The following UQCRC2 variants were observed in gnomAD, a reference collection of about 807,000 sequenced individuals.
UQCRC2 encodes the protein ubiquinol-cytochrome c reductase core protein 2, also known as cytochrome b-c1 complex subunit 2, mitochondrial.
UQCRC2 carries 49 observed loss-of-function variants against 55.6 expected under a neutral mutation model. The ratio of observed to expected loss-of-function variants is 0.88; its 90% confidence interval spans 0.70 to 1.12. UQCRC2 has a LOEUF of 1.12. Among genes scored for constraint, UQCRC2 ranks in the 50% most tolerant of loss-of-function variants. The pLI is 0.00. For missense variants in UQCRC2, 506 were observed against 547.8 expected (o/e 0.92, Z 0.76); for synonymous variants, 193 against 192.0 (o/e 1.01, Z -0.04).
chr16:21,971,816 G>A (rs943705039), intron 9 of UQCRC2, 107 bp from the exon 10 acceptor site: 42 of 1,508,562 alleles, frequency 2.8e-5, no homozygotes, highest in East Asian at 2.7e-4. Context: ...GCACCGAGCT[G>A]CAGAAAAGAC....
At chr16:21,968,525 AG>A in intron 7 of UQCRC2, 102 bp from the exon 8 acceptor site, 1 of 977,436 alleles carries the variant, frequency 1.0e-6, no homozygotes, top group Non-Finnish European at 1.5e-6. Flanking sequence ...GCAACTTATA[AG>A]GCCTTATAAG....
intron 12 of UQCRC2, among the ~76,000 whole-genome samples, chr16:21,978,621 C>G (rs1024531116): frequency 6.6e-6 from 1 of 152,144 alleles, no homozygotes; most frequent in African/African-American, 2.4e-5. Context: ...TTACCTAGAT[C>G]TAAGTTCTAG....
At chr16:21,963,827 C>T (rs1898260375) in intron 6 of UQCRC2, among the ~76,000 whole-genome samples, 1 of 152,130 alleles carries the variant, frequency 6.6e-6, no homozygotes, top group African/African-American at 2.4e-5. Flanking sequence ...TTTATTGCTG[C>T]TGCTATTATT....
chr16:21,961,347 C>G (rs1481367041), intron 4 of UQCRC2: 1 of 446,904 alleles, frequency 2.2e-6, no homozygotes, highest in Non-Finnish European at 4.5e-6. Flanking sequence ...TAAAGTATGA[C>G]AGAGTCATGA....
intron 1 of UQCRC2, among the ~76,000 whole-genome samples, chr16:21,956,045 G>A (rs554643215): frequency 7.9e-5 from 12 of 152,212 alleles, no homozygotes; most frequent in East Asian, 5.8e-4. Flanking sequence ...GGCTAGTCTC[G>A]AGCTCCTGAC....
At chr16:21,958,432 A>G in intron 3 of UQCRC2, 103 bp from the exon 4 acceptor site, 1 of 1,025,398 alleles carries the variant, frequency 9.8e-7, no homozygotes, top group Non-Finnish European at 1.5e-6. Flanking sequence ...GGAATTTAGT[A>G]AAATTCTTTT....
intron 1 of UQCRC2, among the ~76,000 whole-genome samples, chr16:21,956,720 G>A (rs1033193821): frequency 6.6e-6 from 1 of 152,120 alleles, no homozygotes; most frequent in African/African-American, 2.4e-5. Flanking sequence ...AATAAATAGA[G>A]GTTTAAGAAT....
chr16:21,966,705 C>A (rs542021331), intron 7 of UQCRC2, among the ~76,000 whole-genome samples: 1 of 152,270 alleles, frequency 6.6e-6, no homozygotes, highest in South Asian at 2.1e-4. Flanking sequence ...GAACAGGCAG[C>A]CGTTTTCATA....
rs955698437 is a variant in UQCRC2, at chr16:21,977,311, G to A, written c.1124+1068G>A. ...TGAGGCTGCAGTGAACTAAGATCAC[G>A]CCATTGCACACTAGCCTGGGCAACA... is the stretch of plus-strand genomic sequence containing the variant. On this transcript the variant is annotated intron_variant, in intron 12 of 13. Coordinates refer to ENST00000268379, the MANE Select transcript of UQCRC2 (RefSeq NM_003366.4). Among the ~76,000 whole-genome samples, 22 of 151,908 alleles carry A rather than the reference G, an allele frequency of 1.4e-4. 1 individual carries two copies. The East Asian group carries it at 3.3e-3, about 23-fold the overall frequency.
At position 21,968,693 on chromosome 16, in the gene UQCRC2, T is replaced by G; in HGVS notation, c.670+8T>G. 1 of 1,604,702 alleles carries G rather than the reference T, an allele frequency of 6.2e-7. No individual in the cohort carries two copies. The highest frequency in any genetic ancestry group is 8.5e-7 in the Non-Finnish European group (1 of 1,175,136). On this transcript the variant is annotated splice_region_variant and intron_variant, in intron 8 of 13. Transcript: ENST00000268379. Reference sequence around the variant, plus strand: ...TGGCTTTGATTGGACTTGGTAAGTTTAGAGTATTGCCTGCCTGTCAGTTTG... The same window carrying G: ...TGGCTTTGATTGGACTTGGTAAGTTGAGAGTATTGCCTGCCTGTCAGTTTG...
rs1442213480 is a variant in UQCRC2, at chr16:21,968,476, G to A, written c.613-152G>A. On this transcript the variant is annotated intron_variant, in intron 7 of 13. Coordinates refer to ENST00000268379, the MANE Select transcript of UQCRC2 (RefSeq NM_003366.4). ...CAATAGTTTTTATAATAAAATCCCA[G>A]GGTAATTCACCTCAGTTAGTACCTT... 9 of 514,454 alleles carry A rather than the reference G, an allele frequency of 1.7e-5. No individual in the cohort carries two copies. The East Asian group carries it at 2.7e-4, about 15-fold the overall frequency. 31.9% of individuals were successfully genotyped at this position (514,454 alleles called of 1,614,324 possible).
chr16:21,960,673 C>T (rs531262573), intron 4 of UQCRC2, among the ~76,000 whole-genome samples: 1 of 152,242 alleles, frequency 6.6e-6, no homozygotes, highest in African/African-American at 2.4e-5. Flanking sequence ...TGAGACTCTT[C>T]CTTTCACTTG....
At chr16:21,953,899 A>T (rs955271650) in intron 1 of UQCRC2, among the ~76,000 whole-genome samples, 3 of 152,216 alleles carry the variant, frequency 2.0e-5, no homozygotes, top group Non-Finnish European at 4.4e-5. Flanking sequence ...GCTAATGCAG[A>T]TAGAACACTT....
intron 6 of UQCRC2, among the ~76,000 whole-genome samples, chr16:21,964,569 G>A (rs1898281028): frequency 6.6e-6 from 1 of 152,078 alleles, no homozygotes; most frequent in South Asian, 2.1e-4. Context: ...TATACTTTAT[G>A]CCTTTGTTTT....
chr16:21,979,562 A>G (rs1248837108), intron 12 of UQCRC2, among the ~76,000 whole-genome samples: 1 of 152,178 alleles, frequency 6.6e-6, no homozygotes, highest in East Asian at 1.9e-4. Context: ...AAAGGTAAGT[A>G]TTTGTGCATC....
intron 1 of UQCRC2, among the ~76,000 whole-genome samples, chr16:21,954,176 C>A (rs1898055675): frequency 6.6e-6 from 1 of 152,116 alleles, no homozygotes; most frequent in Admixed American, 6.5e-5. Flanking sequence ...GACAGAATGC[C>A]CCCAGGGAAC....
chr16:21,975,813 G>A lies in UQCRC2; in HGVS notation c.1048-354G>A, dbSNP rs188337509. Among the ~76,000 whole-genome samples the A allele has an allele frequency of 7.9e-5, 12 of 152,212 alleles. No individual in the cohort carries two copies. The East Asian group carries it at 1.2e-3, about 15-fold the overall frequency. Reference sequence around the variant, plus strand: ...TGATTAGAAATCCATGTGTTTGGCCGGGTGTGGTGGCTCACACCTATAATC... The same window carrying A: ...TGATTAGAAATCCATGTGTTTGGCCAGGTGTGGTGGCTCACACCTATAATC... On this transcript the variant is annotated intron_variant, in intron 11 of 13. Coordinates refer to ENST00000268379, the MANE Select transcript of UQCRC2 (RefSeq NM_003366.4).
intron 6 of UQCRC2, chr16:21,963,121 T>G: frequency 2.9e-6 from 1 of 341,612 alleles, no homozygotes; most frequent in East Asian, 6.4e-5. Context: ...CCTGAGCAGC[T>G]GGAATTATAG....
At chr16:21,981,222 T>C (rs1898718736) in intron 13 of UQCRC2, among the ~76,000 whole-genome samples, 1 of 152,194 alleles carries the variant, frequency 6.6e-6, no homozygotes, top group South Asian at 2.1e-4. Flanking sequence ...AATTTTTTTT[T>C]CACATATATT....
Sources: gnomAD v4.1 joint callset for allele counts (sites outside exome capture counted in the v4.1 genomes callset) on GRCh38, gnomAD v4.1.1 for gene constraint, MANE v1.5 for transcripts, NCBI Gene and HGNC (gene_info 2026-07-23, HGNC 2026-07-21) for gene names.